RGS6: variants seen among roughly 807,000 people sequenced by gnomAD.
RGS6 encodes the protein regulator of G-protein signaling 6.
Under a neutral mutation model 78.5 loss-of-function variants are expected in RGS6, and 30 were observed. The observed-to-expected ratio is 0.38, with a 90% CI of 0.29 to 0.52. The LOEUF (loss-of-function observed/expected upper bound fraction) is 0.52, where lower values mean the gene tolerates loss of function less well. Among genes scored for constraint, RGS6 ranks in the 20% least tolerant of loss-of-function variants. RGS6 has a pLI of 0.85. For synonymous variants in RGS6, 206 were observed against 206.0 expected (o/e 1.00, Z 0.00); for missense variants, 495 against 609.7 (o/e 0.81, Z 1.98).
intron 3 of RGS6, among the ~76,000 whole-genome samples, chr14:72,412,823 G>A (rs1241469033): frequency 6.6e-6 from 1 of 152,092 alleles, no homozygotes; most frequent in Non-Finnish European, 1.5e-5. Context: ...ATTTTGTTAT[G>A]TACCCAGTAG....
chr14:71,904,284 A>G, the RGS6 span, among the ~76,000 whole-genome samples: 2 of 152,226 alleles, frequency 1.3e-5, no homozygotes, highest in African/African-American at 4.8e-5. Flanking sequence ...GGAAGAAGAT[A>G]CAGATCTCAG....
intron 2 of RGS6, among the ~76,000 whole-genome samples, chr14:72,170,807 A>G (rs2097002418): frequency 6.6e-6 from 1 of 152,184 alleles, no homozygotes; most frequent in Non-Finnish European, 1.5e-5. Flanking sequence ...TTAGCCTCTA[A>G]GGTGTTAATG....
chr14:72,513,787 C>A (rs2096907438), intron 14 of RGS6: 1 of 152,250 alleles, frequency 6.6e-6, no homozygotes, highest in Non-Finnish European at 1.5e-5. Flanking sequence ...AGTTAAAAAT[C>A]AAAACCCACA....
intron 2 of RGS6, among the ~76,000 whole-genome samples, chr14:72,049,462 T>TA (rs1173637225): frequency 6.6e-6 from 1 of 152,216 alleles, no homozygotes; most frequent in Non-Finnish European, 1.5e-5. Flanking sequence ...TCTCTCGTGA[T>TA]ATCTACCTTT....
chr14:72,140,112 C>T (rs2096517324), intron 2 of RGS6, among the ~76,000 whole-genome samples: 1 of 152,160 alleles, frequency 6.6e-6, no homozygotes. Context: ...GTGACCAGCT[C>T]ATCTCCATGC....
At chr14:72,602,947 G>A in the RGS6 span, among the ~76,000 whole-genome samples, 1 of 151,650 alleles carries the variant, frequency 6.6e-6, no homozygotes, top group South Asian at 2.1e-4. Context: ...TAAAGAAAAA[G>A]AAAAAAGAAA....
chr14:72,541,405 A>G lies in RGS6; in HGVS notation c.1422+1311A>G, dbSNP rs2097324805. ...TCTAGTGGGTGGCAATTAATTAAACATCGGTATCCATCCCTTCCCTTCCTC... is the reference window on the plus strand; with the variant it reads ...TCTAGTGGGTGGCAATTAATTAAACGTCGGTATCCATCCCTTCCCTTCCTC... On this transcript the variant is annotated intron_variant, in intron 17 of 17. Transcript: ENST00000553525. The G allele has an allele frequency of 3.3e-6, 5 of 1,494,564 alleles. No individual in the cohort carries two copies. The South Asian group carries it at 3.7e-5, about 11-fold the overall frequency. 92.6% of individuals were successfully genotyped at this position (1,494,564 alleles called of 1,614,324 possible). A position where few individuals can be genotyped will look rare whatever the true frequency, so the allele number is the denominator to read the frequency against.
intron 2 of RGS6, among the ~76,000 whole-genome samples, chr14:72,143,498 T>C (rs1456240278): frequency 6.6e-6 from 1 of 152,226 alleles, no homozygotes; most frequent in Admixed American, 6.5e-5. Context: ...TAAGAAACTA[T>C]TGGCCTTTTG....
intron 2 of RGS6, among the ~76,000 whole-genome samples, chr14:72,147,086 G>C (rs1456184166): frequency 1.3e-5 from 2 of 152,164 alleles, no homozygotes; most frequent in East Asian, 3.9e-4. Flanking sequence ...TACTGATCAT[G>C]ACGTCTTAAG....
the RGS6 span, among the ~76,000 whole-genome samples, chr14:72,609,243 C>T: frequency 1.3e-5 from 2 of 152,196 alleles, no homozygotes; most frequent in Non-Finnish European, 2.9e-5. Flanking sequence ...TCGATCCCCA[C>T]ATTCTTCATC....
intron 3 of RGS6, among the ~76,000 whole-genome samples, chr14:72,364,791 G>A (rs184462302): frequency 3.2e-4 from 49 of 152,320 alleles, no homozygotes; most frequent in Non-Finnish European, 5.9e-4. Flanking sequence ...CCAATGGCAC[G>A]ATGATGACAG....
chr14:72,188,607 A>G (rs1182535595), intron 2 of RGS6, among the ~76,000 whole-genome samples: 1 of 152,186 alleles, frequency 6.6e-6, no homozygotes, highest in Admixed American at 6.5e-5. Flanking sequence ...GTTACGTTGC[A>G]TTCACATCTT....
intron 2 of RGS6, among the ~76,000 whole-genome samples, chr14:71,988,711 G>A (rs2056172802): frequency 1.3e-5 from 2 of 152,078 alleles, no homozygotes; most frequent in South Asian, 2.1e-4. Context: ...AAAAAGCATC[G>A]GCAAATGTCC....
chr14:72,184,611 T>G (rs550318078), intron 2 of RGS6, among the ~76,000 whole-genome samples: 7 of 152,326 alleles, frequency 4.6e-5, no homozygotes, highest in African/African-American at 1.7e-4. Context: ...TAAAATGCTC[T>G]GTTTGAAATA....
chr14:72,159,740 T>G (rs904769785), intron 2 of RGS6, among the ~76,000 whole-genome samples: 6 of 152,162 alleles, frequency 3.9e-5, no homozygotes, highest in African/African-American at 1.4e-4. Flanking sequence ...AACACTGCAC[T>G]GAATAGAAGT....
At chr14:72,092,438 A>G (rs550425631) in intron 2 of RGS6, among the ~76,000 whole-genome samples, 34 of 151,746 alleles carry the variant, frequency 2.2e-4, no homozygotes, top group South Asian at 2.1e-4. Flanking sequence ...CTGGAGTGCA[A>G]TGGCACAATC....
the RGS6 span, among the ~76,000 whole-genome samples, chr14:71,915,206 G>A: frequency 2.0e-5 from 3 of 151,630 alleles, no homozygotes; most frequent in African/African-American, 7.3e-5. Flanking sequence ...GCAGTGAGGC[G>A]AGATCGTGCC....
chr14:72,532,282 C>G (rs2097192025), intron 15 of RGS6, among the ~76,000 whole-genome samples: 1 of 152,140 alleles, frequency 6.6e-6, no homozygotes, highest in African/African-American at 2.4e-5. Flanking sequence ...TGTAATTGCT[C>G]TGGGGGTGCC....
At chr14:72,440,526 C>T (rs1407093096) in intron 3 of RGS6, among the ~76,000 whole-genome samples, 1 of 151,434 alleles carries the variant, frequency 6.6e-6, no homozygotes, top group Non-Finnish European at 1.5e-5. Flanking sequence ...GATTCTCCTG[C>T]CTCAGCCTCC....
Sources: allele counts gnomAD v4.1 joint callset (sites outside exome capture counted in the v4.1 genomes callset), GRCh38; gene constraint gnomAD v4.1.1; transcripts MANE v1.5; gene names NCBI Gene and HGNC (gene_info 2026-07-23, HGNC 2026-07-21).